Variants in TSPEAR observed in about 807,000 individuals in gnomAD.
The protein encoded by TSPEAR is thrombospondin type laminin G domain and EAR repeats.
A neutral mutation model predicts 71.6 loss-of-function variants in TSPEAR; 69 were observed. That is an observed-to-expected ratio of 0.96 (90% CI 0.79 to 1.18). The LOEUF (loss-of-function observed/expected upper bound fraction) is 1.18. TSPEAR is among the 50% of genes most tolerant of loss of function. TSPEAR has a pLI of 0.00. For missense variants in TSPEAR, 971 were observed against 894.9 expected (o/e 1.09, Z -1.09); for synonymous variants, 402 against 387.2 (o/e 1.04, Z -0.45).
chr21:44,702,493 G>A, intron 1 of TSPEAR: 2 of 1,608,454 alleles, frequency 1.2e-6, no homozygotes, highest in Middle Eastern at 1.7e-4. Context: ...CTGCAAGCCT[G>A]TCTGTTGCAA....
At chr21:44,564,571 A>G (rs192700454) in intron 2 of TSPEAR, among the ~76,000 whole-genome samples, 85 of 152,342 alleles carry the variant, frequency 5.6e-4, no homozygotes, top group South Asian at 2.1e-3. Context: ...AGGTCAACCT[A>G]TCATGAAGGT....
chr21:44,612,916 G>C lies in TSPEAR; in HGVS notation c.83-44911C>G. ...CAGGCCAGGAGTCCAGCTGCTGATGGGCACGTCCCCCAGGGCCAGCCGGCT... is the reference window on the plus strand; with the variant it reads ...CAGGCCAGGAGTCCAGCTGCTGATGCGCACGTCCCCCAGGGCCAGCCGGCT... On this transcript the variant is annotated intron_variant, in intron 1 of 11. Coordinates refer to ENST00000323084, the MANE Select transcript of TSPEAR (RefSeq NM_144991.3). This position sits in a 1 kb window ranked among gnomAD's most constrained non-coding sequence, Gnocchi z 4.1. 1 of 1,604,636 alleles carries C rather than the reference G, an allele frequency of 6.2e-7. No homozygotes were observed. Among genetic ancestry groups the C allele is most frequent in the Non-Finnish European group, 8.5e-7 (1 of 1,177,070 alleles).
At position 44,509,514 on chromosome 21, in the gene TSPEAR, GGGGCGCAGAGGTGTGGGTGAGC is replaced by G. The variant is rs1569152370; in HGVS notation, c.1567-150_1567-129del. 4.5e-3 allele frequency: 2,133 copies of G among 469,238 alleles called. 75 individuals carry two copies. The African/African-American group carries it at 0.046, about 10-fold the overall frequency. 29.1% of individuals were successfully genotyped at this position (469,238 alleles called of 1,614,324 possible). A position where few individuals can be genotyped will look rare whatever the true frequency, so the allele number is the denominator to read the frequency against. ...GAGGGGGCGCAGAGGTGTGGGGGAG[GGGGCGCAGAGGTGTGGGTGAGC>G]GGGCGCAGAGGTGTGGGTGAGCGGG... On this transcript the variant is annotated intron_variant, in intron 9 of 11. Transcript: ENST00000323084.
chr21:44,682,790 GAGC>G (rs1986668906), intron 1 of TSPEAR, among the ~76,000 whole-genome samples: 1 of 152,224 alleles, frequency 6.6e-6, no homozygotes, highest in Non-Finnish European at 1.5e-5. Context: ...GCCGGAGTCA[GAGC>G]AGAATACAGT....
At position 44,676,444 on chromosome 21, in the gene TSPEAR, GC is replaced by G. The variant is rs1433871153; in HGVS notation, c.82+34988del. ...CTCCACTGAAAGCCAGAGTTGGTAGGCTTTTCTGGCTTCCTCTTCAGCAACT... is the reference window on the plus strand; with the variant it reads ...CTCCACTGAAAGCCAGAGTTGGTAGGTTTTCTGGCTTCCTCTTCAGCAACT... On this transcript the variant is annotated intron_variant, in intron 1 of 11. Transcript: ENST00000323084. The G allele has an allele frequency of 1.0e-5, 11 of 1,069,916 alleles. No homozygotes were observed. In the African/African-American group the frequency reaches 1.6e-4, roughly 15 times the overall value. The allele number at this position is 1,069,916 out of a possible 1,614,324, so 66.3% of individuals were successfully genotyped here.
Position 44,612,267 on chromosome 21 carries a change from G to C in TSPEAR, c.83-44262C>G. On this transcript the variant is annotated intron_variant, in intron 1 of 11. Transcript: ENST00000323084. The surrounding 1 kb of genome is among the most constrained non-coding windows in gnomAD (Gnocchi z 4.1). ...GAAAGCTGCTGCGAGCCCCGCTCCT[G>C]TGCCTCCAGCTGCTGTACCCCTAGC... is the stretch of plus-strand genomic sequence containing the variant. The C allele has an allele frequency of 6.2e-7, 1 of 1,613,576 alleles. No homozygotes were observed. Among genetic ancestry groups the C allele is most frequent in the East Asian group, 2.2e-5 (1 of 44,884 alleles).
At chr21:44,601,614 C>T (rs1980923665) in intron 1 of TSPEAR, 1 of 1,613,634 alleles carries the variant, frequency 6.2e-7, no homozygotes, top group African/African-American at 1.3e-5. Context: ...GCTGCGCCCC[C>T]ACCTCCTCCT....
At chr21:44,575,084 C>G in intron 1 of TSPEAR, 2 of 1,421,780 alleles carry the variant, frequency 1.4e-6, no homozygotes, top group Non-Finnish European at 1.9e-6. Flanking sequence ...CTGATAGTCG[C>G]GTCCTGAATT....
chr21:44,597,012 T>C (rs908279437), intron 1 of TSPEAR, among the ~76,000 whole-genome samples: 1 of 152,176 alleles, frequency 6.6e-6, no homozygotes, highest in Admixed American at 6.5e-5. Context: ...GTTTTTTAAA[T>C]GGCTTCGGTG....
intron 1 of TSPEAR, among the ~76,000 whole-genome samples, chr21:44,661,211 C>T (rs1199628868): frequency 1.5e-5 from 2 of 134,754 alleles, no homozygotes; most frequent in Non-Finnish European, 3.1e-5. Flanking sequence ...GAGGCGGAGG[C>T]GGAGCCTGCA....
intron 1 of TSPEAR, among the ~76,000 whole-genome samples, chr21:44,692,637 G>A (rs2146314338): frequency 6.6e-6 from 1 of 152,132 alleles, no homozygotes; most frequent in South Asian, 2.1e-4. Flanking sequence ...AAAATACCTA[G>A]TAACAAATAT....
intron 9 of TSPEAR, among the ~76,000 whole-genome samples, chr21:44,517,036 G>A (rs1193439414): frequency 2.0e-5 from 3 of 152,160 alleles, no homozygotes; most frequent in African/African-American, 4.8e-5. Flanking sequence ...CCTGGCCCCT[G>A]TGTCTCTGCC....
At chr21:44,587,049 C>A (rs1018716328) in intron 1 of TSPEAR, among the ~76,000 whole-genome samples, 5 of 152,106 alleles carry the variant, frequency 3.3e-5, no homozygotes, top group Admixed American at 6.5e-5. Flanking sequence ...AGCAATCAGA[C>A]AAGAGAAAGA....
At chr21:44,682,372 C>G (rs1296907408) in intron 1 of TSPEAR, among the ~76,000 whole-genome samples, 1 of 152,162 alleles carries the variant, frequency 6.6e-6, no homozygotes, top group African/African-American at 2.4e-5. Flanking sequence ...ATTTGGAAAC[C>G]TGCCCAAATT....
intron 2 of TSPEAR, among the ~76,000 whole-genome samples, chr21:44,548,042 T>G (rs1050243844): frequency 6.6e-6 from 1 of 152,230 alleles, no homozygotes; most frequent in Admixed American, 6.5e-5. Flanking sequence ...GTTTTCTGGC[T>G]GATACCTTTG....
chr21:44,684,802 A>C (rs548834296), intron 1 of TSPEAR, among the ~76,000 whole-genome samples: 5 of 152,380 alleles, frequency 3.3e-5, no homozygotes, highest in South Asian at 4.1e-4. Flanking sequence ...GTAAATATCA[A>C]AGATGCATCC....
chr21:44,511,526 A>C (rs1454474239), intron 9 of TSPEAR, among the ~76,000 whole-genome samples: 1 of 152,196 alleles, frequency 6.6e-6, no homozygotes, highest in Non-Finnish European at 1.5e-5. Context: ...GTCCATGTGC[A>C]TATGTGTATA....
At chr21:44,518,188 A>C in intron 9 of TSPEAR, 1 of 392,538 alleles carries the variant, frequency 2.5e-6, no homozygotes, top group South Asian at 2.0e-5. Context: ...GTATAACTTA[A>C]AAAAATTCCT....
intron 1 of TSPEAR, among the ~76,000 whole-genome samples, chr21:44,693,584 C>T (rs1987206976): frequency 6.6e-6 from 1 of 152,034 alleles, no homozygotes; most frequent in African/African-American, 2.4e-5. Flanking sequence ...CAGTATTACT[C>T]ATTAGGAAAA....
Sources: allele counts gnomAD v4.1 joint callset (sites outside exome capture counted in the v4.1 genomes callset), GRCh38; gene constraint gnomAD v4.1.1; non-coding constraint Gnocchi (gnomAD v3.1); transcripts MANE v1.5; gene names NCBI Gene and HGNC (gene_info 2026-07-23, HGNC 2026-07-21).